Variants in MAN2C1 observed in about 807,000 individuals in gnomAD.
The protein encoded by MAN2C1 is mannosidase alpha class 2C member 1, also known as alpha-mannosidase 2C1.
MAN2C1 carries 111 observed loss-of-function variants against 126.9 expected under a neutral mutation model. The observed-to-expected ratio is 0.87, with a 90% CI of 0.75 to 1.02. The LOEUF is 1.02. Among genes scored for constraint, MAN2C1 ranks in the 50% least tolerant of loss-of-function variants. The pLI, the probability that MAN2C1 is intolerant of heterozygous loss-of-function variation, is 0.00. For missense variants in MAN2C1, 1,363 were observed against 1,364.4 expected (o/e 1.00, Z 0.02); for synonymous variants, 567 against 561.5 (o/e 1.01, Z -0.14).
intron 4 of MAN2C1, chr15:75,366,065 C>T (rs778607543): frequency 4.1e-5 from 13 of 319,968 alleles, no homozygotes; most frequent in Middle Eastern, 4.1e-4. Context: ...CCAGCATCGG[C>T]GACAGAGGGA....
In MAN2C1 at chr15:75,356,832, T is replaced by C. The variant is rs776736788; in HGVS notation, c.2618A>G (p.Tyr873Cys). 3 of 1,613,992 alleles carry C rather than the reference T, an allele frequency of 1.9e-6. No homozygotes were observed. Among genetic ancestry groups the C allele is most frequent in the East Asian group, 2.2e-5 (1 of 44,894 alleles). Residue 873 changes from tyrosine (Y) to cysteine (C), a missense_variant, in exon 22 of 26, where the codon TAT becomes TGT. Transcript: ENST00000267978. The surrounding 1 kb of genome is among the most constrained non-coding windows in gnomAD (Gnocchi z 5.8). ...GATGCTGCCTCGCACTGACGCGCCA[T>C]ACTTGCAGTCGTTGAGCAGGGCCAG... ...FGLALLNDCK[Y>C]GASVRGSILS...
Position 75,360,627 on chromosome 15 carries a change from A to G in MAN2C1, c.1522T>C (p.Cys508Arg). The G allele has an allele frequency of 6.2e-7, 1 of 1,613,874 alleles. No individual in the cohort carries two copies. Among genetic ancestry groups the G allele is most frequent in the Non-Finnish European group, 8.5e-7 (1 of 1,179,976 alleles). The change falls in exon 13 of 26, where the codon TGC becomes CGC. Residue 508 changes from cysteine (C) to arginine (R), a missense_variant. Transcript: ENST00000267978. ...SALESDSEQL[C>R]TWVGELFLEL... ...AAGAAGAGCTCCCCAACCCACGTGCACAGCTGCTCTGAGTCACTCTCCAGT... is the reference window on the plus strand; with the variant it reads ...AAGAAGAGCTCCCCAACCCACGTGCGCAGCTGCTCTGAGTCACTCTCCAGT...
chr15:75,363,318 A>C (rs2072513273), intron 6 of MAN2C1: 1 of 455,940 alleles, frequency 2.2e-6, no homozygotes, highest in Admixed American at 2.3e-5. Context: ...TTTCCCGTAA[A>C]ACTCAGACAC....
intron 13 of MAN2C1, 49 bp downstream of exon 13, chr15:75,360,516 C>G (rs2072444810): frequency 6.2e-7 from 1 of 1,603,360 alleles, no homozygotes; most frequent in East Asian, 2.2e-5. Context: ...TGACCCTCTG[C>G]AGATCAAGGG....
At chr15:75,360,867 C>A in intron 12 of MAN2C1, 179 bp from the exon 13 acceptor site, 1 of 1,160,674 alleles carries the variant, frequency 8.6e-7, no homozygotes, top group Non-Finnish European at 1.2e-6. Flanking sequence ...GGCTGGAGCC[C>A]TTACCAGCTT....
At chr15:75,357,617 ATT>A (rs969353659) in intron 21 of MAN2C1, 232 of 103,480 alleles carry the variant, frequency 2.2e-3, no homozygotes, top group Non-Finnish European at 3.6e-3. Context: ...CAATTTTTGT[ATT>A]TTTTTTTTTT....
intron 1 of MAN2C1, 73 bp downstream of exon 1, chr15:75,368,410 A>T: frequency 1.3e-6 from 2 of 1,484,108 alleles, no homozygotes; most frequent in South Asian, 2.4e-5. Flanking sequence ...GCTGCAGCTT[A>T]GGTTTCTCCC....
At chr15:75,359,809 C>T (rs2072429600) in intron 15 of MAN2C1, 34 bp from the exon 16 acceptor site, 1 of 1,613,568 alleles carries the variant, frequency 6.2e-7, no homozygotes, top group South Asian at 1.1e-5. Flanking sequence ...AGGTGGGCAA[C>T]AGGTCTGGAA....
intron 6 of MAN2C1, 67 bp downstream of exon 6, chr15:75,363,932 T>C (rs2072526079): frequency 6.4e-7 from 1 of 1,556,302 alleles, no homozygotes; most frequent in Non-Finnish European, 8.8e-7. Context: ...ACAGTGCTTC[T>C]AGGGCACATC....
Position 75,359,064 on chromosome 15 carries a change from A to T in MAN2C1, c.2136T>A (p.Ser712=). 6.2e-7 allele frequency: 1 copy of T among 1,613,902 alleles called. No homozygotes were observed. Among genetic ancestry groups the T allele is most frequent in the Non-Finnish European group, 8.5e-7 (1 of 1,179,974 alleles). ...GGGCAATGAGGATTTGGCACCTGCC[A>T]GAGGCCACCAGGACCAAGGACGTCA... ...GRLTSLVLVA[S]GREAIAEGAV... The change falls in exon 18 of 26, where the codon TCT becomes TCA. Residue 712 remains serine, a synonymous_variant. Transcript: ENST00000267978.
At chr15:75,359,837 C>T in intron 15 of MAN2C1, 62 bp from the exon 16 acceptor site, 1 of 1,612,556 alleles carries the variant, frequency 6.2e-7, no homozygotes, top group Non-Finnish European at 8.5e-7. Context: ...ATGGGTATCC[C>T]ACAGGGGACA....
Position 75,362,542 on chromosome 15 carries a change from G to T in MAN2C1, c.898-89C>A. On this transcript the variant is annotated intron_variant, in intron 7 of 25. Coordinates refer to ENST00000267978, the MANE Select transcript of MAN2C1 (RefSeq NM_006715.4). The surrounding 1 kb of genome is among the most constrained non-coding windows in gnomAD (Gnocchi z 4.5). The stretch of plus-strand genomic sequence containing the variant: ...TGGGACTCAGTGTGTGGCTGAGGGT[G>T]AGGAGCAGCCCTGACCCCAGGCCTG... The T allele has an allele frequency of 1.3e-6, 2 of 1,514,710 alleles. No homozygotes were observed. The highest frequency in any genetic ancestry group is 1.8e-6 in the Non-Finnish European group (2 of 1,104,016). 93.8% of individuals were successfully genotyped at this position (1,514,710 alleles called of 1,614,324 possible). A position where few individuals can be genotyped will look rare whatever the true frequency, so the allele number is the denominator to read the frequency against.
chr15:75,367,349 G>C (rs2072595283), intron 3 of MAN2C1, among the ~76,000 whole-genome samples, 162 bp downstream of exon 3: 1 of 152,170 alleles, frequency 6.6e-6, no homozygotes. Flanking sequence ...AGGACCAATT[G>C]CACAGATGCC....
At chr15:75,364,716 G>A (rs772723060) in intron 4 of MAN2C1, 51 bp from the exon 5 acceptor site, 64 of 1,483,374 alleles carry the variant, frequency 4.3e-5, no homozygotes, top group Admixed American at 1.6e-4. Flanking sequence ...ACAGTACTCC[G>A]GGGACTTGGG....
rs956522662 is a variant in MAN2C1 at position 75,362,768 on chromosome 15, G to T, written c.791-20C>A. The T allele has an allele frequency of 6.2e-7, 1 of 1,604,750 alleles. No homozygotes were observed. The highest frequency in any genetic ancestry group is 1.7e-5 in the Admixed American group (1 of 59,980). On this transcript the variant is annotated intron_variant, in intron 6 of 25. Coordinates refer to ENST00000267978, the MANE Select transcript of MAN2C1 (RefSeq NM_006715.4). The surrounding 1 kb of genome is among the most constrained non-coding windows in gnomAD (Gnocchi z 4.5). ...GCCAGGCTATACGGGGAGTGAGGTG[G>T]AGGACAGAGGGAGCAGCAAGGCTGA...
Position 75,355,974 on chromosome 15 carries a change from G to A in MAN2C1, c.3055C>T (p.Leu1019=), listed in dbSNP as rs554272385. 1.2e-6 allele frequency: 2 copies of A among 1,614,200 alleles called. No homozygotes were observed. Among genetic ancestry groups the A allele is most frequent in the East Asian group, 4.5e-5 (2 of 44,878 alleles). The change falls in exon 26 of 26, where the codon CTG becomes TTG. Residue 1019 remains leucine, a synonymous_variant. Transcript: ENST00000267978. ...AGHLTLRDNR[L]KLTFSPFQVL... is the part of the protein sequence containing the mutation. ...TGGAAGGGAGAAAAGGTGAGCTTCA[G>A]GCGGTTGTCCCGAAGGGTCAAGTGG...
chr15:75,367,441 CAGA>C (rs765645001), intron 3 of MAN2C1, 67 bp downstream of exon 3: 16 of 1,570,968 alleles, frequency 1.0e-5, no homozygotes, highest in South Asian at 3.6e-5. Flanking sequence ...CCAGAGTCCA[CAGA>C]AGAAGGGCTG....
At chr15:75,359,593 G>C in intron 16 of MAN2C1, 27 bp downstream of exon 16, 1 of 1,611,254 alleles carries the variant, frequency 6.2e-7, no homozygotes, top group Non-Finnish European at 8.5e-7. Context: ...TCCTGCTGCA[G>C]TAGCAACCCT....
At chr15:75,358,673 C>G (rs779484977) in intron 19 of MAN2C1, 31 bp downstream of exon 19, 1 of 1,612,146 alleles carries the variant, frequency 6.2e-7, no homozygotes, top group Non-Finnish European at 8.5e-7. Flanking sequence ...CCCACCACCT[C>G]CACCATCCCC....
Sources: allele counts gnomAD v4.1 joint callset (sites outside exome capture counted in the v4.1 genomes callset), GRCh38; gene constraint gnomAD v4.1.1; non-coding constraint Gnocchi (gnomAD v3.1); transcripts MANE v1.5; gene names NCBI Gene and HGNC (gene_info 2026-07-23, HGNC 2026-07-21).